The following CDH13 variants were observed in gnomAD, a reference collection of about 807,000 sequenced individuals.
The protein encoded by CDH13 is cadherin 13, also known as cadherin-13.
In CDH13, 24 loss-of-function variants were observed where a neutral mutation model predicts 63.8. The ratio of observed to expected loss-of-function variants is 0.38; its 90% CI spans 0.27 to 0.53. CDH13 has a LOEUF of 0.53. CDH13 is among the 20% of genes least tolerant of loss of function. The pLI, the probability that CDH13 is intolerant of heterozygous loss-of-function variation, is 0.85. For missense variants in CDH13, 1,049 were observed against 903.1 expected, an observed-to-expected ratio of 1.16 and a Z score of -2.07; for synonymous variants, 503 against 355.3, an observed-to-expected ratio of 1.42 and a Z score of -4.67.
At position 83,413,816 on chromosome 16, in the gene CDH13, C is replaced by T. The variant is rs1226837391; in HGVS notation, c.781+68810C>T. On this transcript the variant is annotated intron_variant, in intron 6 of 13. Transcript: ENST00000567109. The stretch of plus-strand genomic sequence containing the variant: ...CAGCCTGGCCAACATGGTAAAACCC[C>T]GTCTCTACTAAAACTACAAAAAAAA... 3.3e-5 allele frequency among the ~76,000 whole-genome samples: 5 copies of T among 152,066 alleles called. No individual in the cohort carries two copies. In the South Asian group the frequency reaches 6.2e-4, roughly 19 times the overall value.
At chr16:82,921,210 A>T (rs1474102561) in intron 2 of CDH13, among the ~76,000 whole-genome samples, 1 of 152,110 alleles carries the variant, frequency 6.6e-6, no homozygotes, top group Non-Finnish European at 1.5e-5. Flanking sequence ...ACAGTTCTGG[A>T]GCCCAGAAGT....
intron 2 of CDH13, among the ~76,000 whole-genome samples, chr16:82,894,241 C>T (rs574955010): frequency 6.6e-6 from 1 of 152,284 alleles, no homozygotes. Context: ...AGGTGTGAGC[C>T]ACTCTGCCCA....
intron 12 of CDH13, among the ~76,000 whole-genome samples, 167 bp downstream of exon 12, chr16:83,780,368 A>G (rs1167683135): frequency 6.6e-6 from 1 of 152,228 alleles, no homozygotes; most frequent in Non-Finnish European, 1.5e-5. Flanking sequence ...AACAAATGCA[A>G]TTTATAAAAA....
At chr16:82,995,851 G>C (rs1378056771) in intron 2 of CDH13, among the ~76,000 whole-genome samples, 2 of 152,042 alleles carry the variant, frequency 1.3e-5, no homozygotes, top group Non-Finnish European at 2.9e-5. Context: ...ACCCTCTCGC[G>C]GGCTGCTGGG....
intron 7 of CDH13, among the ~76,000 whole-genome samples, chr16:83,556,516 A>G (rs1271756222): frequency 1.3e-5 from 2 of 152,158 alleles, no homozygotes; most frequent in African/African-American, 4.8e-5. Context: ...CAGTTCAAAG[A>G]TGAGGAAATT....
intron 6 of CDH13, among the ~76,000 whole-genome samples, chr16:83,416,561 C>A (rs1053111997): frequency 2.0e-5 from 3 of 152,100 alleles, no homozygotes; most frequent in Non-Finnish European, 2.9e-5. Flanking sequence ...ACTGCCATGC[C>A]CACAGGTCGA....
chr16:83,429,129 A>T (rs1191592542), intron 6 of CDH13, among the ~76,000 whole-genome samples: 1 of 152,236 alleles, frequency 6.6e-6, no homozygotes, highest in African/African-American at 2.4e-5. Context: ...AGGATATTGC[A>T]GTCTGGGGTC....
chr16:83,728,161 A>C (rs1598600559), intron 10 of CDH13, among the ~76,000 whole-genome samples: 1 of 152,124 alleles, frequency 6.6e-6, no homozygotes, highest in Non-Finnish European at 1.5e-5. Flanking sequence ...AGAGCCACAC[A>C]CCACGTCTCT....
intron 4 of CDH13, among the ~76,000 whole-genome samples, chr16:83,190,826 C>G (rs1322952129): frequency 1.3e-5 from 2 of 152,140 alleles, no homozygotes; most frequent in African/African-American, 4.8e-5. Flanking sequence ...CTCAACCAAA[C>G]AGCCAATTGA....
intron 4 of CDH13, among the ~76,000 whole-genome samples, chr16:83,167,479 GA>G (rs1398156275): frequency 3.6e-5 from 5 of 138,988 alleles, no homozygotes; most frequent in Admixed American, 3.2e-4. Flanking sequence ...CAGCCTGAGG[GA>G]CAGAGTGAGA....
At chr16:83,322,376 A>G (rs2090250247) in intron 5 of CDH13, among the ~76,000 whole-genome samples, 1 of 152,204 alleles carries the variant, frequency 6.6e-6, no homozygotes, top group South Asian at 2.1e-4. Context: ...TTTAGGGGAT[A>G]TTACTGTGGT....
intron 1 of CDH13, among the ~76,000 whole-genome samples, chr16:82,855,157 C>G (rs1029534831): frequency 1.3e-5 from 2 of 152,148 alleles, no homozygotes; most frequent in Admixed American, 6.5e-5. Flanking sequence ...CCTACTGCTC[C>G]CCTCTTCCCT....
At chr16:83,175,387 C>G (rs1161713469) in intron 4 of CDH13, among the ~76,000 whole-genome samples, 1 of 152,124 alleles carries the variant, frequency 6.6e-6, no homozygotes, top group Non-Finnish European at 1.5e-5. Context: ...CTGGTGAAGA[C>G]AGAACCATGC....
At chr16:83,033,653 C>G (rs1434957390) in intron 3 of CDH13, among the ~76,000 whole-genome samples, 1 of 152,168 alleles carries the variant, frequency 6.6e-6, no homozygotes, top group Non-Finnish European at 1.5e-5. Context: ...TCCCTGCACT[C>G]CCACACATAT....
At chr16:83,096,475 A>G (rs2034200001) in intron 3 of CDH13, among the ~76,000 whole-genome samples, 1 of 152,262 alleles carries the variant, frequency 6.6e-6, no homozygotes, top group South Asian at 2.1e-4. Flanking sequence ...GATTGCTCAC[A>G]AAAATGAAAG....
intron 1 of CDH13, among the ~76,000 whole-genome samples, chr16:82,654,295 A>G (rs1361947976): frequency 6.6e-6 from 1 of 152,154 alleles, no homozygotes; most frequent in East Asian, 1.9e-4. Flanking sequence ...TTCTTATTCA[A>G]GGTCGGTTTC....
At chr16:83,396,739 A>G (rs1451897349) in intron 6 of CDH13, 1 of 109,356 alleles carries the variant, frequency 9.1e-6, no homozygotes, top group Non-Finnish European at 1.8e-5. Flanking sequence ...CTGCAAGGAT[A>G]TGAGATTCAT....
At chr16:83,393,147 G>C (rs1045941909) in intron 6 of CDH13, among the ~76,000 whole-genome samples, 4 of 152,186 alleles carry the variant, frequency 2.6e-5, no homozygotes, top group African/African-American at 9.7e-5. Context: ...GATACATCTG[G>C]TGCTATTCCG....
chr16:82,722,869 C>A (rs1265061510), intron 1 of CDH13, among the ~76,000 whole-genome samples: 1 of 152,176 alleles, frequency 6.6e-6, no homozygotes, highest in Non-Finnish European at 1.5e-5. Flanking sequence ...GATGGCATGT[C>A]CAGCACCAGG....
Sources: gnomAD v4.1 joint callset for allele counts (sites outside exome capture counted in the v4.1 genomes callset) on GRCh38, gnomAD v4.1.1 for gene constraint, MANE v1.5 for transcripts, NCBI Gene and HGNC (gene_info 2026-07-23, HGNC 2026-07-21) for gene names.